SMYD3: variants seen among roughly 807,000 people sequenced by gnomAD.
SMYD3 encodes the protein SET and MYND domain containing 3.
SMYD3 carries 36 observed loss-of-function variants against 57.7 expected under a neutral mutation model. The ratio of observed to expected loss-of-function variants is 0.62; its 90% CI spans 0.48 to 0.82. SMYD3 has a LOEUF of 0.82. SMYD3 is among the 40% of genes least tolerant of loss of function. The pLI, the probability that SMYD3 is intolerant of heterozygous loss-of-function variation, is 0.00. For synonymous variants in SMYD3, 211 were observed against 195.0 expected (o/e 1.08, Z -0.68); for missense variants, 515 against 538.8 (o/e 0.96, Z 0.44).
intron 5 of SMYD3, among the ~76,000 whole-genome samples, chr1:246,061,459 G>A (rs1320525158): frequency 6.6e-6 from 1 of 151,838 alleles, no homozygotes; most frequent in African/African-American, 2.4e-5. Context: ...AGAGACTCGT[G>A]CCTATAATCT....
chr1:245,965,512 G>A (rs2148005814), intron 5 of SMYD3, among the ~76,000 whole-genome samples: 1 of 152,302 alleles, frequency 6.6e-6, no homozygotes, highest in East Asian at 1.9e-4. Flanking sequence ...TAGGTGAACA[G>A]GTAAACTGTG....
chr1:245,887,265 AG>A (rs1233505284), intron 8 of SMYD3, among the ~76,000 whole-genome samples: 1 of 152,200 alleles, frequency 6.6e-6, no homozygotes, highest in Non-Finnish European at 1.5e-5. Context: ...TACTCCCACC[AG>A]CACCATGACA....
At chr1:245,867,046 C>A (rs1212468878) in intron 8 of SMYD3, among the ~76,000 whole-genome samples, 2 of 152,194 alleles carry the variant, frequency 1.3e-5, no homozygotes, top group Non-Finnish European at 2.9e-5. Flanking sequence ...TATGTTAGGC[C>A]ACATTGCAAA....
intron 1 of SMYD3, among the ~76,000 whole-genome samples, chr1:246,452,732 T>C (rs1325845448): frequency 6.6e-6 from 1 of 152,162 alleles, no homozygotes; most frequent in Non-Finnish European, 1.5e-5. Context: ...CAAATAGACA[T>C]GATGAAATTT....
chr1:245,968,142 T>G (rs2058202534), intron 5 of SMYD3, among the ~76,000 whole-genome samples: 1 of 151,274 alleles, frequency 6.6e-6, no homozygotes, highest in Non-Finnish European at 1.5e-5. Flanking sequence ...ATCTCTACTC[T>G]GTTTCAATCT....
At chr1:245,940,157 G>C (rs1325038507) in intron 5 of SMYD3, among the ~76,000 whole-genome samples, 1 of 152,192 alleles carries the variant, frequency 6.6e-6, no homozygotes, top group South Asian at 2.1e-4. Flanking sequence ...GCACTGGGGG[G>C]AGGGGCAGCT....
intron 5 of SMYD3, among the ~76,000 whole-genome samples, chr1:246,079,720 A>G (rs1295418535): frequency 6.6e-6 from 1 of 152,230 alleles, no homozygotes; most frequent in Non-Finnish European, 1.5e-5. Context: ...GTGGTCTCCA[A>G]TGCAAAAACA....
rs371982400 is a variant in SMYD3, at chr1:245,774,486, G to C, written c.1077-10337C>G. On this transcript the variant is annotated intron_variant, in intron 10 of 11. Transcript: ENST00000490107. ...CTACATCCCAAAAGACATCTTTCAAGAATAAGATTGAAGAGCTGAAGGGTG... is the reference window on the plus strand; with the variant it reads ...CTACATCCCAAAAGACATCTTTCAACAATAAGATTGAAGAGCTGAAGGGTG... 6.0e-4 allele frequency among the ~76,000 whole-genome samples: 92 copies of C among 152,288 alleles called. 4 individuals are homozygous for C. The highest frequency in any genetic ancestry group is 3.7e-3 in the South Asian group (18 of 4,812).
At chr1:245,802,081 C>CGTCA (rs1379244825) in intron 10 of SMYD3, among the ~76,000 whole-genome samples, 1 of 152,134 alleles carries the variant, frequency 6.6e-6, no homozygotes, top group Non-Finnish European at 1.5e-5. Flanking sequence ...GGTGGACTGA[C>CGTCA]GTTAGGAATG....
intron 5 of SMYD3, among the ~76,000 whole-genome samples, chr1:246,040,283 A>G (rs572267653): frequency 1.3e-5 from 2 of 152,252 alleles, no homozygotes; most frequent in South Asian, 2.1e-4. Context: ...AAGTAGGAAC[A>G]TGACCCGGAT....
chr1:246,348,927 A>G (rs2065773497), intron 2 of SMYD3, among the ~76,000 whole-genome samples: 1 of 152,138 alleles, frequency 6.6e-6, no homozygotes, highest in Non-Finnish European at 1.5e-5. Context: ...TGTACAAGAG[A>G]GTGGAATGAA....
intron 5 of SMYD3, among the ~76,000 whole-genome samples, chr1:246,308,756 T>C (rs1419326492): frequency 6.6e-6 from 1 of 152,194 alleles, no homozygotes; most frequent in Non-Finnish European, 1.5e-5. Context: ...GGAGAATTAA[T>C]CACATTTTCT....
At chr1:245,987,851 A>C (rs528511180) in intron 5 of SMYD3, among the ~76,000 whole-genome samples, 1 of 152,344 alleles carries the variant, frequency 6.6e-6, no homozygotes, top group African/African-American at 2.4e-5. Flanking sequence ...TGTATTCTAA[A>C]GCAGGAGTCC....
chr1:246,452,230 G>A (rs2067642993), intron 1 of SMYD3, among the ~76,000 whole-genome samples: 1 of 152,180 alleles, frequency 6.6e-6, no homozygotes, highest in African/African-American at 2.4e-5. Flanking sequence ...TGCGGGCCAG[G>A]GGCGGTGGCT....
At chr1:246,282,195 C>T (rs969568794) in intron 5 of SMYD3, among the ~76,000 whole-genome samples, 1 of 150,540 alleles carries the variant, frequency 6.6e-6, no homozygotes, top group Non-Finnish European at 1.5e-5. Flanking sequence ...TGGTCAGGTG[C>T]AGTGGTTCAT....
chr1:246,241,058 C>A (rs2063599541), intron 5 of SMYD3, among the ~76,000 whole-genome samples: 1 of 149,840 alleles, frequency 6.7e-6, no homozygotes, highest in Admixed American at 6.7e-5. Context: ...TTGACTTCCT[C>A]TTTTCCTAAC....
chr1:246,400,403 G>C (rs1174419304), intron 1 of SMYD3, among the ~76,000 whole-genome samples: 1 of 152,084 alleles, frequency 6.6e-6, no homozygotes, highest in African/African-American at 2.4e-5. Flanking sequence ...TTATTTATTT[G>C]TTTGTTTATT....
intron 10 of SMYD3, among the ~76,000 whole-genome samples, chr1:245,794,684 G>A (rs1572353382): frequency 6.6e-6 from 1 of 152,202 alleles, no homozygotes; most frequent in Non-Finnish European, 1.5e-5. Context: ...TGCCTCAGCT[G>A]CTTTTGCATA....
intron 1 of SMYD3, among the ~76,000 whole-genome samples, chr1:246,425,461 A>C (rs2067204716): frequency 6.6e-6 from 1 of 152,132 alleles, no homozygotes; most frequent in African/African-American, 2.4e-5. Flanking sequence ...ATTCTCTTAC[A>C]TGCCTAAGGC....
Sources: gnomAD v4.1 joint callset for allele counts (sites outside exome capture counted in the v4.1 genomes callset) on GRCh38, gnomAD v4.1.1 for gene constraint, MANE v1.5 for transcripts, NCBI Gene and HGNC (gene_info 2026-07-23, HGNC 2026-07-21) for gene names.